Variants in CGNL1 observed in about 807,000 individuals in gnomAD.
The protein encoded by CGNL1 is cingulin-like protein 1.
In CGNL1, 132 loss-of-function variants were observed where a neutral mutation model predicts 141.2. That is an observed-to-expected ratio of 0.93 (90% confidence interval 0.81 to 1.08). The LOEUF (loss-of-function observed/expected upper bound fraction) is 1.08, where lower values mean the gene tolerates loss of function less well. Ranked by LOEUF, CGNL1 falls within the 50% of genes least tolerant of loss-of-function variation. The pLI, the probability that CGNL1 is intolerant of heterozygous loss-of-function variation, is 0.00. For missense variants in CGNL1, 1,870 were observed against 1,588.6 expected (o/e 1.18, Z -3.01); for synonymous variants, 690 against 622.1 (o/e 1.11, Z -1.63).
chr15:57,457,467 G>A lies in CGNL1; in HGVS notation c.2190+3649G>A, dbSNP rs185363871. ...TTAAGAAGGTGGACCTCCTTAAAGG[G>A]CCTTCCAGCCAAACACAGTGCTCTG... On this transcript the variant is annotated intron_variant, in intron 7 of 18. Coordinates refer to ENST00000281282, the MANE Select transcript of CGNL1 (RefSeq NM_032866.5). 2.2e-3 allele frequency among the ~76,000 whole-genome samples: 336 copies of A among 152,242 alleles called. 2 individuals carry two copies. Among genetic ancestry groups the A allele is most frequent in the Admixed American group, 2.9e-3 (44 of 15,292 alleles).
At chr15:57,429,329 T>C (rs1363644049) in intron 1 of CGNL1, among the ~76,000 whole-genome samples, 2 of 152,204 alleles carry the variant, frequency 1.3e-5, no homozygotes, top group Non-Finnish European at 1.5e-5. Flanking sequence ...AAGTATCATA[T>C]GTCAGGGATG....
chr15:57,518,092 G>T (rs2030966658), intron 9 of CGNL1, among the ~76,000 whole-genome samples: 1 of 151,806 alleles, frequency 6.6e-6, no homozygotes, highest in Non-Finnish European at 1.5e-5. Context: ...GATCACTTGA[G>T]CCCAGGAGTT....
At chr15:57,478,535 C>G (rs1269169303) in intron 8 of CGNL1, among the ~76,000 whole-genome samples, 1 of 152,146 alleles carries the variant, frequency 6.6e-6, no homozygotes, top group South Asian at 2.1e-4. Flanking sequence ...AAAGCCTGCT[C>G]CAGAGCAGTG....
chr15:57,464,664 G>C (rs570097078), intron 8 of CGNL1, among the ~76,000 whole-genome samples: 497 of 132,432 alleles, frequency 3.8e-3, no homozygotes, highest in African/African-American at 0.013. Context: ...ATTTCTCTGC[G>C]GTTTCTTTTC....
intron 1 of CGNL1, among the ~76,000 whole-genome samples, chr15:57,437,430 G>C (rs2063118244): frequency 6.6e-6 from 1 of 151,876 alleles, no homozygotes; most frequent in Admixed American, 6.6e-5. Flanking sequence ...AAGATTGTGG[G>C]TAAAAAAGGC....
At chr15:57,523,378 T>G in intron 10 of CGNL1, 111 bp from the exon 11 acceptor site, 1 of 855,014 alleles carries the variant, frequency 1.2e-6, no homozygotes, top group Non-Finnish European at 1.8e-6. Context: ...TCATCACGGA[T>G]TTAACAGATC....
chr15:57,451,466 A>T (rs2063320886), intron 4 of CGNL1, 34 bp from the exon 5 acceptor site: 2 of 1,460,990 alleles, frequency 1.4e-6, no homozygotes, highest in Non-Finnish European at 1.9e-6. Context: ...CACCCTGAAC[A>T]TTTAAATTAG....
At chr15:57,502,967 T>G (rs2152390862) in intron 8 of CGNL1, among the ~76,000 whole-genome samples, 1 of 152,320 alleles carries the variant, frequency 6.6e-6, no homozygotes, top group East Asian at 1.9e-4. Context: ...TAGTCCACTT[T>G]CAGAGGTCCC....
At chr15:57,458,449 A>C (rs7168890) in intron 7 of CGNL1, among the ~76,000 whole-genome samples, 84,046 of 152,042 alleles carry the variant, frequency 0.55, 23,505 homozygotes, top group Middle Eastern at 0.57. Context: ...CCACTTAAGC[A>C]ACAGATAACA....
chr15:57,477,508 G>A (rs747853145), intron 8 of CGNL1: 9 of 152,338 alleles, frequency 5.9e-5, no homozygotes, highest in South Asian at 2.1e-4. Context: ...AGCCAGTTGG[G>A]TTTATAACTA....
At chr15:57,493,917 A>T (rs1265337846) in intron 8 of CGNL1, among the ~76,000 whole-genome samples, 3 of 152,244 alleles carry the variant, frequency 2.0e-5, no homozygotes, top group Admixed American at 2.0e-4. Flanking sequence ...AGCTAAGAAG[A>T]TAAGCAAGAC....
chr15:57,522,595 G>A (rs559060018), intron 10 of CGNL1, among the ~76,000 whole-genome samples: 6 of 152,128 alleles, frequency 3.9e-5, no homozygotes, highest in Non-Finnish European at 7.4e-5. Flanking sequence ...CGAGTTGTGC[G>A]TCTTCTTATT....
chr15:57,464,213 A>G (rs1217801443), intron 8 of CGNL1, among the ~76,000 whole-genome samples: 3 of 151,978 alleles, frequency 2.0e-5, no homozygotes, highest in Non-Finnish European at 4.4e-5. Context: ...GCTGGAGGGC[A>G]TGTCCTTTGC....
rs750200722 is a variant in CGNL1, at chr15:57,439,127, C to G, written c.1128C>G (p.Asn376Lys). Reference sequence around the variant, plus strand: ...GAAGAGGAAGGTCTGGGAAGCGAAACAGAATTAATACAGATGACAGGAAAA... The same window carrying G: ...GAAGAGGAAGGTCTGGGAAGCGAAAGAGAATTAATACAGATGACAGGAAAA... The part of the protein sequence containing the change: ...LQRRGRSGKR[N>K]RINTDDRKRS... The change falls in exon 2 of 19, where the codon AAC becomes AAG. Residue 376 changes from asparagine to lysine, a missense_variant. Asn to Lys is a moderately conservative substitution (Grantham distance 94). Transcript: ENST00000281282. The G allele has an allele frequency of 6.2e-7, 1 of 1,614,174 alleles. No individual in the cohort carries two copies. The highest frequency in any genetic ancestry group is 1.7e-5 in the Admixed American group (1 of 60,020).
intron 1 of CGNL1, among the ~76,000 whole-genome samples, chr15:57,423,129 T>G (rs2062934563): frequency 6.6e-6 from 1 of 152,202 alleles, no homozygotes; most frequent in Non-Finnish European, 1.5e-5. Flanking sequence ...TATTTCCATA[T>G]GCTTCTGCAA....
intron 8 of CGNL1, among the ~76,000 whole-genome samples, chr15:57,473,896 CTTCTTTTTTTTTTTTTTT>C (rs2063615836): frequency 9.1e-6 from 1 of 110,088 alleles, no homozygotes; most frequent in African/African-American, 3.4e-5. Flanking sequence ...TCTTCTTCTT[CTTCTTTTTTTTTTTTTTT>C]TTTTTTTTTT....
chr15:57,507,193 T>C (rs2064114822), intron 8 of CGNL1, among the ~76,000 whole-genome samples: 1 of 152,258 alleles, frequency 6.6e-6, no homozygotes, highest in Non-Finnish European at 1.5e-5. Flanking sequence ...ACCTGAACTA[T>C]GGAGCATGTT....
Position 57,470,749 on chromosome 15 carries a change from T to C in CGNL1, c.2403+8857T>C, listed in dbSNP as rs148562428. Among the ~76,000 whole-genome samples, 14 of 152,220 alleles carry C rather than the reference T, an allele frequency of 9.2e-5. No homozygotes were observed. The East Asian group carries it at 2.7e-3, about 29-fold the overall frequency. On this transcript the variant is annotated intron_variant, in intron 8 of 18. Coordinates refer to ENST00000281282, the MANE Select transcript of CGNL1 (RefSeq NM_032866.5). ...CTCTAGCTTTGAGGATCTTATGTGG[T>C]CTTGTGGGCAGAAAGATGTGCAAGT... is the stretch of plus-strand genomic sequence containing the variant.
intron 1 of CGNL1, chr15:57,405,848 TTTCTTTTCTTTTTC>T: frequency 6.8e-6 from 1 of 148,016 alleles, no homozygotes; most frequent in African/African-American, 2.5e-5. Flanking sequence ...TTTCTTTTTC[TTTCTTTTCTTTTTC>T]TTTCTGTCTG....
Sources: gnomAD v4.1 joint callset for allele counts (sites outside exome capture counted in the v4.1 genomes callset) on GRCh38, gnomAD v4.1.1 for gene constraint, MANE v1.5 for transcripts, NCBI Gene and HGNC (gene_info 2026-07-23, HGNC 2026-07-21) for gene names.